SGCD: variants seen among roughly 807,000 people sequenced by gnomAD.
The protein encoded by SGCD is delta-sarcoglycan.
SGCD carries 18 observed loss-of-function variants against 36.6 expected under a neutral mutation model. The observed-to-expected ratio is 0.49, with a 90% CI of 0.34 to 0.73. SGCD has a LOEUF of 0.73. SGCD is among the 30% of genes least tolerant of loss of function. SGCD has a pLI of 0.01. For missense variants in SGCD, 387 were observed against 346.7 expected (o/e 1.12, Z -0.92); for synonymous variants, 133 against 130.6 (o/e 1.02, Z -0.12).
At chr5:155,775,039 AG>A in the SGCD span, among the ~76,000 whole-genome samples, 2 of 152,202 alleles carry the variant, frequency 1.3e-5, no homozygotes, top group Non-Finnish European at 2.9e-5. Flanking sequence ...CATGCAAACA[AG>A]GAATTCAGTG....
chr5:156,495,335 A>G (rs1179654172), intron 3 of SGCD, among the ~76,000 whole-genome samples: 1 of 152,154 alleles, frequency 6.6e-6, no homozygotes, highest in African/African-American at 2.4e-5. Context: ...GGCCAAATTA[A>G]TAGGTAAGAC....
chr5:156,365,419 G>T (rs765412427), intron 3 of SGCD, among the ~76,000 whole-genome samples: 1 of 152,160 alleles, frequency 6.6e-6, no homozygotes, highest in Non-Finnish European at 1.5e-5. Flanking sequence ...TCAGAAACAG[G>T]TCATTTCCTC....
intron 1 of SGCD, among the ~76,000 whole-genome samples, chr5:156,097,001 T>C (rs1469258653): frequency 6.6e-6 from 1 of 152,126 alleles, no homozygotes; most frequent in African/African-American, 2.4e-5. Context: ...ATTTTTTTTT[T>C]CTTTCAGTGC....
chr5:156,696,656 T>A (rs891337215), intron 7 of SGCD, among the ~76,000 whole-genome samples: 2 of 151,950 alleles, frequency 1.3e-5, no homozygotes, highest in Non-Finnish European at 2.9e-5. Flanking sequence ...ATTACAGGCA[T>A]GTAAGACCAC....
the SGCD span, among the ~76,000 whole-genome samples, chr5:155,777,866 G>T: frequency 6.6e-6 from 1 of 152,064 alleles, no homozygotes; most frequent in Admixed American, 6.6e-5. Context: ...TACAGGCCTT[G>T]CAGGTCCTTG....
chr5:156,244,025 A>T (rs1765371267), intron 3 of SGCD, among the ~76,000 whole-genome samples: 1 of 152,208 alleles, frequency 6.6e-6, no homozygotes, highest in Non-Finnish European at 1.5e-5. Context: ...CATGACAGTG[A>T]AGAAGCCCTG....
chr5:155,770,429 A>G, the SGCD span, among the ~76,000 whole-genome samples: 1 of 152,266 alleles, frequency 6.6e-6, no homozygotes, highest in East Asian at 1.9e-4. Context: ...CAGATGTTCA[A>G]AGACCTTGGA....
chr5:156,384,189 G>A (rs1381116525), intron 3 of SGCD, among the ~76,000 whole-genome samples: 2 of 152,174 alleles, frequency 1.3e-5, no homozygotes, highest in Non-Finnish European at 2.9e-5. Flanking sequence ...TGCTGGAATG[G>A]ACCATGTTCT....
At chr5:156,122,575 C>A (rs1762067478) in intron 2 of SGCD, among the ~76,000 whole-genome samples, 1 of 151,842 alleles carries the variant, frequency 6.6e-6, no homozygotes, top group Admixed American at 6.6e-5. Context: ...AGAGGAGCAG[C>A]ATGGCTAGAG....
chr5:156,137,456 T>A (rs1200693248), intron 3 of SGCD, among the ~76,000 whole-genome samples: 1 of 152,246 alleles, frequency 6.6e-6, no homozygotes, highest in Non-Finnish European at 1.5e-5. Flanking sequence ...TGGGAACATA[T>A]TCCAGATGGT....
intron 1 of SGCD, among the ~76,000 whole-genome samples, chr5:155,873,377 G>A (rs2113279885): frequency 6.6e-6 from 1 of 152,194 alleles, no homozygotes; most frequent in South Asian, 2.1e-4. Context: ...ATACTGCATT[G>A]TCTTAAGTGA....
intron 3 of SGCD, among the ~76,000 whole-genome samples, chr5:156,466,128 T>G (rs925535525): frequency 6.6e-6 from 1 of 152,188 alleles, no homozygotes; most frequent in Non-Finnish European, 1.5e-5. Flanking sequence ...GCTTAAATTA[T>G]TTTTCAATAT....
chr5:156,249,664 G>A (rs1223970868), intron 3 of SGCD, among the ~76,000 whole-genome samples: 2 of 150,720 alleles, frequency 1.3e-5, no homozygotes, highest in African/African-American at 2.4e-5. Flanking sequence ...TTAAGCCCCA[G>A]TTATGCAACT....
In SGCD at chr5:156,118,966, T is replaced by C. The variant is rs115728313; in HGVS notation, c.-208+1015T>C. Among the ~76,000 whole-genome samples the C allele has an allele frequency of 4.7e-3, 722 of 152,272 alleles. 10 individuals are homozygous for C. The highest frequency in any genetic ancestry group is 0.016 in the African/African-American group (665 of 41,560). Reference sequence around the variant, plus strand: ...GATGCCCAGAGTATTTTATGTTTTATAGCCCCTACTTTGAGTATTATCACC... The same window carrying C: ...GATGCCCAGAGTATTTTATGTTTTACAGCCCCTACTTTGAGTATTATCACC... On this transcript the variant is annotated intron_variant, in intron 2 of 9. Transcript: ENST00000517913.
intron 3 of SGCD, among the ~76,000 whole-genome samples, chr5:156,242,498 G>A (rs566738141): frequency 6.3e-4 from 96 of 152,254 alleles, no homozygotes; most frequent in African/African-American, 2.3e-3. Flanking sequence ...TAAGACTTGG[G>A]AAATCTGAAT....
chr5:156,344,386 GC>G (rs1768830407), intron 2 of SGCD, 102 bp from the exon 3 acceptor site: 18 of 774,822 alleles, frequency 2.3e-5, no homozygotes, highest in Non-Finnish European at 3.7e-5. Flanking sequence ...GTAGACAGCA[GC>G]CAGCCATATC....
intron 3 of SGCD, among the ~76,000 whole-genome samples, chr5:156,301,531 G>A (rs916609398): frequency 3.3e-5 from 5 of 152,144 alleles, no homozygotes; most frequent in African/African-American, 1.2e-4. Flanking sequence ...CAAGATTTGA[G>A]TAGTTTAAAT....
At chr5:156,268,681 C>T (rs1179912839) in intron 3 of SGCD, among the ~76,000 whole-genome samples, 5 of 152,118 alleles carry the variant, frequency 3.3e-5, no homozygotes, top group Non-Finnish European at 7.3e-5. Context: ...TTACCTCCGC[C>T]TCCTTGGTTC....
At chr5:155,732,396 G>T in the SGCD span, among the ~76,000 whole-genome samples, 1 of 152,200 alleles carries the variant, frequency 6.6e-6, no homozygotes, top group Non-Finnish European at 1.5e-5. Context: ...TATGTACCGT[G>T]GTAGCTGCTA....
Sources: allele counts gnomAD v4.1 joint callset (sites outside exome capture counted in the v4.1 genomes callset), GRCh38; gene constraint gnomAD v4.1.1; transcripts MANE v1.5; gene names NCBI Gene and HGNC (gene_info 2026-07-23, HGNC 2026-07-21).